DCTN1: variants seen among roughly 807,000 people sequenced by gnomAD.
DCTN1 encodes dynactin subunit 1.
In DCTN1, 61 loss-of-function variants were observed where a neutral mutation model predicts 161.2. The ratio of observed to expected loss-of-function variants is 0.38; its 90% CI spans 0.31 to 0.47. The LOEUF (loss-of-function observed/expected upper bound fraction) is 0.47, where lower values mean the gene tolerates loss of function less well. Among genes scored for constraint, DCTN1 ranks in the 20% least tolerant of loss-of-function variants. The probability of loss-of-function intolerance (pLI) is 0.99; values close to 1 mark genes in which losing one functional copy is unlikely to be tolerated. For missense variants in DCTN1, 1,404 were observed against 1,623.7 expected (o/e 0.86, Z 2.33); for synonymous variants, 653 against 632.4 (o/e 1.03, Z -0.49).
intron 7 of DCTN1, 29 bp downstream of exon 7, chr2:74,372,899 G>C: frequency 6.2e-7 from 1 of 1,612,410 alleles, no homozygotes. Context: ...ACACTCAGCA[G>C]TGGCTCACAC....
At chr2:74,366,962 A>T (rs1284178214) in intron 20 of DCTN1, 30 bp from the exon 21 acceptor site, 7 of 1,614,112 alleles carry the variant, frequency 4.3e-6, no homozygotes, top group Non-Finnish European at 5.9e-6. Flanking sequence ...TGGATGGAGA[A>T]CCAAGTTAGC....
At chr2:74,371,234 T>C in intron 8 of DCTN1, 58 bp from the exon 9 acceptor site, 2 of 1,607,902 alleles carry the variant, frequency 1.2e-6, no homozygotes, top group Non-Finnish European at 1.7e-6. Context: ...CCACCAACAC[T>C]GAGCTGGCGC....
intron 1 of DCTN1, among the ~76,000 whole-genome samples, chr2:74,390,333 G>C (rs980152432): frequency 5.9e-5 from 9 of 152,200 alleles, no homozygotes. Context: ...AGGACCAACA[G>C]CATGGAAGTT....
At chr2:74,377,530 G>A in intron 3 of DCTN1, 64 bp from the exon 4 acceptor site, 2 of 1,545,612 alleles carry the variant, frequency 1.3e-6, no homozygotes, top group Non-Finnish European at 1.8e-6. Context: ...GATATAATAA[G>A]GGAATATGGT....
rs142318791 is a variant in DCTN1, at chr2:74,370,247, C to T, written c.1226G>A (p.Arg409Gln). The change falls in exon 12 of 32, where the codon CGG becomes CAG. Residue 409 changes from arginine to glutamine, a missense_variant. Transcript: ENST00000628224. This position sits in a 1 kb window ranked among gnomAD's most constrained non-coding sequence, Gnocchi z 4.4. ...NQELEVVRQQRERLQEELSQA... is the reference protein window; with the variant it reads ...NQELEVVRQQQERLQEELSQA... ...GCTTAGCTCCTCCTGCAGACGCTCC[C>T]GCTGTTGCCTCACAACTTCCAGCTC... 7.3e-5 allele frequency: 118 copies of T among 1,614,062 alleles called. No homozygotes were observed. The highest frequency in any genetic ancestry group is 8.8e-5 in the Non-Finnish European group (104 of 1,180,054).
chr2:74,372,823 CTA>C, intron 7 of DCTN1, 103 bp downstream of exon 7: 2 of 1,176,468 alleles, frequency 1.7e-6, no homozygotes, highest in Non-Finnish European at 2.6e-6. Context: ...CCAGGATACA[CTA>C]TGACGAACTT....
At chr2:74,371,803 T>G (rs1573167003) in intron 7 of DCTN1, 75 bp from the exon 8 acceptor site, 5 of 1,213,248 alleles carry the variant, frequency 4.1e-6, no homozygotes, top group Non-Finnish European at 5.9e-6. Flanking sequence ...AAACAGAATA[T>G]GAGAATATGG....
At position 74,370,344 on chromosome 2, in the gene DCTN1, T is replaced by A; in HGVS notation, c.1129A>T (p.Met377Leu). ...TTCTCTGAGGAAGAAAGATCCCGCATCCTGCAGGGATGTGAGGAAGGCAGA... is the reference window on the plus strand; with the variant it reads ...TTCTCTGAGGAAGAAAGATCCCGCAACCTGCAGGGATGTGAGGAAGGCAGA... ...NARLKDALVR[M>L]RDLSSSEKQE... is the part of the protein sequence containing the mutation. The change falls in exon 12 of 32, where the codon ATG (methionine) becomes TTG (leucine). Residue 377 changes from methionine to leucine, a missense_variant and splice_region_variant. Met to Leu is a conservative substitution (Grantham distance 15). This residue lies in a region of DCTN1 where 278 missense variants were observed against 363.8 expected (regional missense o/e 0.76). Coordinates refer to ENST00000628224, the MANE Select transcript of DCTN1 (RefSeq NM_004082.5). The surrounding 1 kb of genome is among the most constrained non-coding windows in gnomAD (Gnocchi z 4.4). The A allele has an allele frequency of 6.2e-7, 1 of 1,613,992 alleles. No homozygotes were observed. Among genetic ancestry groups the A allele is most frequent in the Non-Finnish European group, 8.5e-7 (1 of 1,180,014 alleles).
chr2:74,374,773 G>A (rs1675123895), intron 5 of DCTN1: 1 of 1,111,564 alleles, frequency 9.0e-7, no homozygotes, highest in Non-Finnish European at 1.1e-6. Flanking sequence ...GGGCTTTGCT[G>A]GCTCCTCCTC....
intron 1 of DCTN1, among the ~76,000 whole-genome samples, chr2:74,388,737 A>G (rs1161365669): frequency 6.6e-6 from 1 of 152,224 alleles, no homozygotes; most frequent in African/African-American, 2.4e-5. Context: ...TCAGTATCTA[A>G]GCACTCGGCG....
rs1360054191 is a variant in DCTN1, at chr2:74,362,725, G to C, written c.3534C>G (p.Ala1178=). Reference sequence around the variant, plus strand: ...CCATAAGTTGGGCCGACGGGCTCTTGGCAGCTGTGGGGAGAGAAAGCTGGT... The same window carrying C: ...CCATAAGTTGGGCCGACGGGCTCTTCGCAGCTGTGGGGAGAGAAAGCTGGT... ...VVDITRTSPA[A]KSPSAQLMEQ... The change falls in exon 30 of 32, where the codon GCC becomes GCG. Residue 1178 remains alanine, a synonymous_variant. Transcript: ENST00000628224. The C allele has an allele frequency of 6.2e-7, 1 of 1,613,876 alleles. No homozygotes were observed. The highest frequency in any genetic ancestry group is 1.7e-5 in the Admixed American group (1 of 60,006).
At position 74,369,324 on chromosome 2, in the gene DCTN1, G is replaced by C; in HGVS notation, c.1560C>G (p.Tyr520Ter). 6.2e-7 allele frequency: 1 copy of C among 1,614,216 alleles called. No homozygotes were observed. Among genetic ancestry groups the C allele is most frequent in the South Asian group, 1.1e-5 (1 of 91,088 alleles). ...VADYQQTIKK[Y>*]RQLTAHLQDV... is the part of the protein sequence containing the mutation. ...CCTGTAGATGGGCGGTCAGCTGGCG[G>C]TACTTCTTGATGGTCTGCTGGTAGT... is the stretch of plus-strand genomic sequence containing the variant. The change falls in exon 14 of 32, where the codon TAC (tyrosine) becomes TAG (stop). Residue 520 changes from tyrosine (Y) to a stop codon, truncating the protein, a stop_gained. Coordinates refer to ENST00000628224, the MANE Select transcript of DCTN1 (RefSeq NM_004082.5). LOFTEE classifies it high-confidence loss of function. This position sits in a 1 kb window ranked among gnomAD's most constrained non-coding sequence, Gnocchi z 4.9.
intron 26 of DCTN1, chr2:74,363,865 A>G: frequency 1.6e-6 from 1 of 618,222 alleles, no homozygotes; most frequent in Non-Finnish European, 3.0e-6. Flanking sequence ...ACAATGTGTG[A>G]AGAACAGTGG....
chr2:74,365,023 G>A, intron 26 of DCTN1, 52 bp downstream of exon 26: 4 of 1,609,504 alleles, frequency 2.5e-6, no homozygotes. Flanking sequence ...GCCAAGGACA[G>A]GAGAGAAGAC....
upstream of DCTN1, among the ~76,000 whole-genome samples, chr2:74,381,975 G>C (rs777418679): frequency 6.6e-6 from 1 of 152,196 alleles, no homozygotes; most frequent in African/African-American, 2.4e-5. Context: ...GAGTCTTTGA[G>C]AACTGAGCAA....
Position 74,363,598 on chromosome 2 carries a change from C to A in DCTN1, c.3211+16G>T. 6.2e-7 allele frequency: 1 copy of A among 1,613,432 alleles called. No individual in the cohort carries two copies. Among genetic ancestry groups the A allele is most frequent in the Non-Finnish European group, 8.5e-7 (1 of 1,179,754 alleles). Reference sequence around the variant, plus strand: ...TCCCACCAGCCTGGTAACCCCCGGCCAGAGTGGGTCTCTACCTCGCTGCTG... The same window carrying A: ...TCCCACCAGCCTGGTAACCCCCGGCAAGAGTGGGTCTCTACCTCGCTGCTG... On this transcript the variant is annotated intron_variant, in intron 27 of 31. Coordinates refer to ENST00000628224, the MANE Select transcript of DCTN1 (RefSeq NM_004082.5).
At chr2:74,362,526 C>A in intron 30 of DCTN1, 124 bp downstream of exon 30, 1 of 996,908 alleles carries the variant, frequency 1.0e-6, no homozygotes, top group Admixed American at 2.0e-5. Context: ...AAGAACCCTG[C>A]CTTCCCTTCC....
chr2:74,376,233 T>A (rs548630913), intron 5 of DCTN1, among the ~76,000 whole-genome samples: 2 of 152,136 alleles, frequency 1.3e-5, no homozygotes, highest in Admixed American at 1.3e-4. Flanking sequence ...TGTGGGGATA[T>A]TTATGGCTGT....
At position 74,370,991 on chromosome 2, in the gene DCTN1, C is replaced by G; in HGVS notation, c.831G>C (p.Lys277Asn). Residue 277 changes from lysine to asparagine, a missense_variant, in exon 9 of 32, where the codon AAG becomes AAC. Lys to Asn is a moderately conservative substitution (Grantham distance 94). This residue lies in a region of DCTN1 where 67 missense variants were observed against 116.3 expected (regional missense o/e 0.58). Coordinates refer to ENST00000628224, the MANE Select transcript of DCTN1 (RefSeq NM_004082.5). This position sits in a 1 kb window ranked among gnomAD's most constrained non-coding sequence, Gnocchi z 4.4. ...EQQADLQRRL[K>N]EARKEAKEAL... ...TCCAGAGTCAAACCTTTCTCGCCTC[C>G]TTGAGGCGCCGCTGCAGGTCGGCCT... The G allele has an allele frequency of 6.2e-7, 1 of 1,614,060 alleles. No individual in the cohort carries two copies. The highest frequency in any genetic ancestry group is 8.5e-7 in the Non-Finnish European group (1 of 1,180,036).
Sources: gnomAD v4.1 joint callset for allele counts (sites outside exome capture counted in the v4.1 genomes callset) on GRCh38, gnomAD v4.1.1 for gene constraint, gnomAD v4.1.1 regional missense constraint, Gnocchi (gnomAD v3.1) non-coding constraint, MANE v1.5 for transcripts, NCBI Gene and HGNC (gene_info 2026-07-23, HGNC 2026-07-21) for gene names.